Variants in CCDC125 observed in about 807,000 individuals in gnomAD.
The protein encoded by CCDC125 is coiled-coil domain-containing protein 125.
CCDC125 carries 43 observed loss-of-function variants against 57.4 expected under a neutral mutation model. The observed-to-expected ratio is 0.75, with a 90% CI of 0.59 to 0.97. The LOEUF (loss-of-function observed/expected upper bound fraction) is 0.97. Ranked by LOEUF, CCDC125 falls within the 50% of genes least tolerant of loss-of-function variation. The pLI, the probability that CCDC125 is intolerant of heterozygous loss-of-function variation, is 0.00. For missense variants in CCDC125, 563 were observed against 595.7 expected, an observed-to-expected ratio of 0.95 and a Z score of 0.57; for synonymous variants, 187 against 195.2, an observed-to-expected ratio of 0.96 and a Z score of 0.35.
intron 1 of CCDC125, among the ~76,000 whole-genome samples, chr5:69,331,377 C>T (rs940729151): frequency 2.4e-4 from 36 of 151,730 alleles, no homozygotes; most frequent in Non-Finnish European, 4.4e-4. Context: ...AGATTACAGG[C>T]GCCCACCACC....
chr5:69,320,806 T>TGTGCGTGTGC (rs1396107158), intron 1 of CCDC125, among the ~76,000 whole-genome samples: 1 of 151,966 alleles, frequency 6.6e-6, no homozygotes, highest in Non-Finnish European at 1.5e-5. Flanking sequence ...TGTGTGTGTG[T>TGTGCGTGTGC]GTGCGTGTGC....
chr5:69,308,099 CT>C, intron 4 of CCDC125, 71 bp from the exon 5 acceptor site: 1 of 1,083,296 alleles, frequency 9.2e-7, no homozygotes, highest in Non-Finnish European at 1.4e-6. Context: ...ATGAAGTTCT[CT>C]TTTATTTTAA....
chr5:69,297,672 G>C (rs1755607371), intron 8 of CCDC125, among the ~76,000 whole-genome samples: 1 of 150,358 alleles, frequency 6.7e-6, no homozygotes, highest in South Asian at 2.1e-4. Flanking sequence ...ATATTTTAAA[G>C]TTTCATATGG....
At chr5:69,274,267 T>C in the CCDC125 span, among the ~76,000 whole-genome samples, 1 of 152,198 alleles carries the variant, frequency 6.6e-6, no homozygotes, top group Non-Finnish European at 1.5e-5. Context: ...GAATGAGGTA[T>C]TTTCTTAGAT....
intron 1 of CCDC125, among the ~76,000 whole-genome samples, chr5:69,322,257 T>C (rs1243536319): frequency 6.6e-6 from 1 of 152,016 alleles, no homozygotes. Flanking sequence ...GTAGCTCGGA[T>C]GACAGGAGTG....
chr5:69,298,921 T>C (rs1755863334), intron 8 of CCDC125, among the ~76,000 whole-genome samples: 1 of 152,134 alleles, frequency 6.6e-6, no homozygotes, highest in Non-Finnish European at 1.5e-5. Context: ...CCAGGCAAAT[T>C]ACCTAACCCC....
At chr5:69,318,132 C>T (rs1759425168) in intron 2 of CCDC125, among the ~76,000 whole-genome samples, 1 of 151,746 alleles carries the variant, frequency 6.6e-6, no homozygotes, top group Non-Finnish European at 1.5e-5. Flanking sequence ...CAGGTGCACG[C>T]CACCATGCCT....
rs1351370816 is a variant in CCDC125, at chr5:69,283,029, A to T, written c.1236T>A (p.Asn412Lys). 6 of 1,580,458 alleles carry T rather than the reference A, an allele frequency of 3.8e-6. No homozygotes were observed. In the South Asian group the frequency reaches 7.1e-5, roughly 19 times the overall value. The stretch of plus-strand genomic sequence containing the variant: ...GATGAGCCAAAGCTTCTTCTTTATC[A>T]TTAAGCTGCATGCACAGAAATTAAA... ...EVLKMLIDLLNDKEEALAHQR... is the reference protein window; with the variant it reads ...EVLKMLIDLLKDKEEALAHQR... The change falls in exon 12 of 12, where the codon AAT (asparagine) becomes AAA (lysine). Residue 412 changes from asparagine (N) to lysine (K), a missense_variant. Asn to Lys is a moderately conservative substitution (Grantham distance 94). Transcript: ENST00000396496.
intron 2 of CCDC125, among the ~76,000 whole-genome samples, chr5:69,319,836 A>G (rs977412725): frequency 6.6e-6 from 1 of 151,960 alleles, no homozygotes; most frequent in Non-Finnish European, 1.5e-5. Flanking sequence ...ATAAATTTCT[A>G]AAAGCTGGGT....
chr5:69,311,083 G>A, intron 4 of CCDC125, 35 bp downstream of exon 4: 7 of 1,340,472 alleles, frequency 5.2e-6, no homozygotes, highest in Non-Finnish European at 7.5e-6. Context: ...TTATTGGAAT[G>A]TGTAAATGGT....
intron 1 of CCDC125, among the ~76,000 whole-genome samples, chr5:69,330,679 C>T (rs1391161347): frequency 6.6e-6 from 1 of 152,108 alleles, no homozygotes; most frequent in Non-Finnish European, 1.5e-5. Flanking sequence ...AACTATGCTC[C>T]AAAACACTCA....
At chr5:69,331,252 A>G (rs1454727456) in intron 1 of CCDC125, among the ~76,000 whole-genome samples, 1 of 151,734 alleles carries the variant, frequency 6.6e-6, no homozygotes, top group South Asian at 2.1e-4. Flanking sequence ...CAGTGAGCTG[A>G]GACAGCACTA....
At chr5:69,276,935 T>C (rs973680454), downstream of CCDC125, among the ~76,000 whole-genome samples, 1 of 152,276 alleles carries the variant, frequency 6.6e-6, no homozygotes, top group African/African-American at 2.4e-5. Context: ...CTTGTTCCCT[T>C]CATAAATTCC....
intron 1 of CCDC125, among the ~76,000 whole-genome samples, chr5:69,328,171 T>C (rs1374382379): frequency 1.3e-5 from 2 of 152,188 alleles, no homozygotes; most frequent in Admixed American, 6.5e-5. Flanking sequence ...GCTGGGATTA[T>C]AGGCGTGAGC....
At chr5:69,304,822 C>T (rs1757079942) in intron 6 of CCDC125, among the ~76,000 whole-genome samples, 1 of 152,066 alleles carries the variant, frequency 6.6e-6, no homozygotes, top group East Asian at 1.9e-4. Flanking sequence ...ACTTAATAAC[C>T]ATTTGAATTT....
chr5:69,282,965 C>T lies in CCDC125; in HGVS notation c.1300G>A (p.Asp434Asn). Residue 434 changes from aspartate (D) to asparagine (N), a missense_variant, in exon 12 of 12, where the codon GAC (aspartate) becomes AAC (asparagine). Physicochemically the swap from Asp to Asn is conservative, Grantham distance 23. Coordinates refer to ENST00000396496, the MANE Select transcript of CCDC125 (RefSeq NM_176816.5). ...VSYMLARALE[D>N]KDTASNENKE... ...TTCTCGTTTGAAGCAGTGTCTTTGT[C>T]TTCCAATGCCCGAGCAAGCATGTAG... is the stretch of plus-strand genomic sequence containing the variant. The T allele has an allele frequency of 6.2e-7, 1 of 1,613,100 alleles. No individual in the cohort carries two copies. The highest frequency in any genetic ancestry group is 8.5e-7 in the Non-Finnish European group (1 of 1,179,790).
chr5:69,279,404 G>C (rs1396733413), downstream of CCDC125, among the ~76,000 whole-genome samples: 2 of 152,202 alleles, frequency 1.3e-5, no homozygotes, highest in East Asian at 1.9e-4. Context: ...CACTGTGTTA[G>C]CCAGGATGGT....
chr5:69,313,758 G>A (rs1242271601), intron 3 of CCDC125: 6 of 782,446 alleles, frequency 7.7e-6, no homozygotes, highest in African/African-American at 5.1e-5. Context: ...TCACTCAGGC[G>A]GAAGAGCACC....
intron 8 of CCDC125, among the ~76,000 whole-genome samples, chr5:69,296,846 C>T (rs921554177): frequency 1.3e-5 from 2 of 151,768 alleles, no homozygotes; most frequent in African/African-American, 4.8e-5. Context: ...TGCCTGTAAT[C>T]CCAGCTACTC....
Sources: gnomAD v4.1 joint callset for allele counts (sites outside exome capture counted in the v4.1 genomes callset) on GRCh38, gnomAD v4.1.1 for gene constraint, MANE v1.5 for transcripts, NCBI Gene and HGNC (gene_info 2026-07-23, HGNC 2026-07-21) for gene names.